Variants in HPCAL1 observed in about 807,000 individuals in gnomAD.
HPCAL1 encodes hippocalcin like 1, also known as hippocalcin-like protein 1.
In HPCAL1, 8 loss-of-function variants were observed where a neutral mutation model predicts 17.1. That is an observed-to-expected ratio of 0.47 (90% CI 0.27 to 0.84). The LOEUF (loss-of-function observed/expected upper bound fraction) is 0.84, where lower values mean the gene tolerates loss of function less well. Among genes scored for constraint, HPCAL1 ranks in the 40% least tolerant of loss-of-function variants. The pLI is 0.13. For synonymous variants in HPCAL1, 112 were observed against 111.4 expected (o/e 1.01, Z -0.03); for missense variants, 165 against 271.1 (o/e 0.61, Z 2.75).
intron 1 of HPCAL1, among the ~76,000 whole-genome samples, chr2:10,336,332 C>T (rs1485743818): frequency 6.6e-6 from 1 of 152,220 alleles, no homozygotes; most frequent in Non-Finnish European, 1.5e-5. Context: ...ACTCTAGAGA[C>T]TAATCCTTTG....
At chr2:10,345,953 G>A (rs1219732136) in intron 1 of HPCAL1, among the ~76,000 whole-genome samples, 1 of 152,176 alleles carries the variant, frequency 6.6e-6, no homozygotes, top group African/African-American at 2.4e-5. Flanking sequence ...CACACAGATG[G>A]TCTGTTGATC....
Position 10,426,865 on chromosome 2 carries a change from T to C in HPCAL1, c.*44T>C. 1.3e-6 allele frequency: 2 copies of C among 1,539,106 alleles called. No homozygotes were observed. ...GTTGCAGAGAAACACAGGCTTGTCG[T>C]GCCGTTTAAGCTTTGCTTGCAAGAG... On this transcript the variant is annotated 3_prime_UTR_variant, in exon 5 of 5. Coordinates refer to ENST00000307845, the MANE Select transcript of HPCAL1 (RefSeq NM_002149.4).
chr2:10,345,914 A>G (rs776409337), intron 1 of HPCAL1, among the ~76,000 whole-genome samples: 1 of 152,212 alleles, frequency 6.6e-6, no homozygotes, highest in Non-Finnish European at 1.5e-5. Context: ...CTTTTGCCGT[A>G]TTTTGGAAGA....
intron 1 of HPCAL1, among the ~76,000 whole-genome samples, chr2:10,361,762 G>C (rs1666541138): frequency 6.6e-6 from 1 of 151,346 alleles, no homozygotes; most frequent in African/African-American, 2.4e-5. Flanking sequence ...TGTCAACCAG[G>C]ATGGAGTGCA....
intron 2 of HPCAL1, among the ~76,000 whole-genome samples, chr2:10,399,555 ACTACCGCCACCG>A (rs1558518879): frequency 3.7e-5 from 2 of 54,532 alleles, no homozygotes; most frequent in African/African-American, 9.2e-5. Context: ...CACCGCCACC[ACTACCGCCACCG>A]CCACCACCAC....
intron 1 of HPCAL1, among the ~76,000 whole-genome samples, chr2:10,358,428 C>G (rs935619513): frequency 4.6e-5 from 7 of 152,216 alleles, no homozygotes; most frequent in Non-Finnish European, 7.3e-5. Context: ...CCCATGCCCA[C>G]AGCCCTAGGT....
chr2:10,357,994 C>G (rs1396015751), intron 1 of HPCAL1, among the ~76,000 whole-genome samples: 1 of 152,256 alleles, frequency 6.6e-6, no homozygotes, highest in Non-Finnish European at 1.5e-5. Flanking sequence ...GGCTGAAACC[C>G]CAGCCCTGTC....
rs79015754 is a variant in HPCAL1, at chr2:10,330,497, G to A, written c.-111+27320G>A. ...GGAATTCTTTTTTTTTTACAGTATT[G>A]GAGGCTGATGTCTGAGACAGGGTGG... On this transcript the variant is annotated intron_variant, in intron 1 of 4. Coordinates refer to ENST00000307845, the MANE Select transcript of HPCAL1 (RefSeq NM_002149.4). This position sits in a 1 kb window ranked among gnomAD's most constrained non-coding sequence, Gnocchi z 4.2. Among the ~76,000 whole-genome samples, 13,050 of 151,764 alleles carry A rather than the reference G, an allele frequency of 0.086. 621 individuals are homozygous for A. The highest frequency in any genetic ancestry group is 0.12 in the Admixed American group (1,840 of 15,256).
Position 10,361,071 on chromosome 2 carries a change from C to G in HPCAL1, c.-110-35764C>G, listed in dbSNP as rs139981652. On this transcript the variant is annotated intron_variant, in intron 1 of 4. Coordinates refer to ENST00000307845, the MANE Select transcript of HPCAL1 (RefSeq NM_002149.4). ...TCCTGAGCCTGTTGGCCTGGGGACT[C>G]CTTTTCTGTCATACTAGATGAGACA... is the stretch of plus-strand genomic sequence containing the variant. 8.2e-4 allele frequency among the ~76,000 whole-genome samples: 119 copies of G among 144,652 alleles called. 1 individual carries two copies. Among genetic ancestry groups the G allele is most frequent in the African/African-American group, 3.0e-3 (114 of 38,462 alleles). 94.9% of individuals were successfully genotyped at this position (144,652 alleles called of 152,430 possible).
chr2:10,370,341 A>G (rs992552919), intron 1 of HPCAL1, among the ~76,000 whole-genome samples: 4 of 152,160 alleles, frequency 2.6e-5, no homozygotes, highest in African/African-American at 9.7e-5. Flanking sequence ...CATGCTTGGG[A>G]CTTGGCAGTG....
At chr2:10,316,611 G>A (rs1412017866) in intron 1 of HPCAL1, among the ~76,000 whole-genome samples, 1 of 152,172 alleles carries the variant, frequency 6.6e-6, no homozygotes, top group Non-Finnish European at 1.5e-5. Context: ...TATTGAGTCA[G>A]CAGTGGAAAG....
Position 10,364,586 on chromosome 2 carries a change from C to CT in HPCAL1, c.-110-32234dup, listed in dbSNP as rs747134630. 7.6e-3 allele frequency among the ~76,000 whole-genome samples: 1,092 copies of CT among 143,746 alleles called. 12 individuals are homozygous for CT. Among genetic ancestry groups the CT allele is most frequent in the South Asian group, 0.034 (153 of 4,548 alleles). The allele number at this position is 143,746 out of a possible 152,430, so 94.3% of individuals were successfully genotyped here. A position where few individuals can be genotyped will look rare whatever the true frequency, so the allele number is the denominator to read the frequency against. Reference sequence around the variant, plus strand: ...GCCTCCTCTCCTAAGCTCCCGCCTCCTTTTTTTTTTTTTTTGGAGACAGTG... The same window carrying CT: ...GCCTCCTCTCCTAAGCTCCCGCCTCCTTTTTTTTTTTTTTTTGGAGACAGTG... On this transcript the variant is annotated intron_variant, in intron 1 of 4. Coordinates refer to ENST00000307845, the MANE Select transcript of HPCAL1 (RefSeq NM_002149.4).
chr2:10,423,242 C>T (rs938130855), intron 4 of HPCAL1, 154 bp downstream of exon 4: 26 of 649,990 alleles, frequency 4.0e-5, no homozygotes, highest in African/African-American at 2.9e-4. Context: ...CAGGGAAGAG[C>T]GGGATGCAGT....
chr2:10,423,232 C>A, intron 4 of HPCAL1, 144 bp downstream of exon 4: 2 of 665,768 alleles, frequency 3.0e-6, no homozygotes, highest in Non-Finnish European at 2.8e-6. Flanking sequence ...CTGCCATGCC[C>A]AGGGAAGAGC....
chr2:10,402,936 T>C (rs1378309186), intron 2 of HPCAL1, among the ~76,000 whole-genome samples: 1 of 152,166 alleles, frequency 6.6e-6, no homozygotes, highest in African/African-American at 2.4e-5. Context: ...ACATTTACAA[T>C]GGTATTTCTT....
rs1666927630 is a variant in HPCAL1, at chr2:10,367,589, C to T, written c.-110-29246C>T. 1.3e-5 allele frequency among the ~76,000 whole-genome samples: 2 copies of T among 152,278 alleles called. No homozygotes were observed. The highest frequency in any genetic ancestry group is 3.4e-3 in the Middle Eastern group (1 of 294). On this transcript the variant is annotated intron_variant, in intron 1 of 4. Coordinates refer to ENST00000307845, the MANE Select transcript of HPCAL1 (RefSeq NM_002149.4). This position sits in a 1 kb window ranked among gnomAD's most constrained non-coding sequence, Gnocchi z 4.4. ...TAAAGCAAAATCATAATAGCAACAA[C>T]AATCACTGTCATCCCACGGGTTGGT...
intron 1 of HPCAL1, among the ~76,000 whole-genome samples, chr2:10,349,979 A>G (rs925710649): frequency 1.1e-4 from 17 of 152,140 alleles, no homozygotes; most frequent in Non-Finnish European, 1.6e-4. Context: ...CCGATTTCAT[A>G]TACCACTGAT....
intron 2 of HPCAL1, among the ~76,000 whole-genome samples, chr2:10,418,496 G>A (rs71439010): frequency 7.0e-6 from 1 of 142,082 alleles, no homozygotes; most frequent in East Asian, 2.0e-4. Context: ...AGGCAGAGAA[G>A]AAAGGAAGTG....
In HPCAL1 at chr2:10,304,780, C is replaced by A. The variant is rs948825266; in HGVS notation, c.-111+1603C>A. ...CCCTTCATCGCCTTGGTGTCTTTCT[C>A]TGGGGGAAAAAAATCGCCTTTAACC... On this transcript the variant is annotated intron_variant, in intron 1 of 4. Transcript: ENST00000307845. This position sits in a 1 kb window ranked among gnomAD's most constrained non-coding sequence, Gnocchi z 4.1. Among the ~76,000 whole-genome samples the A allele has an allele frequency of 6.6e-6, 1 of 152,258 alleles. No individual in the cohort carries two copies. Among genetic ancestry groups the A allele is most frequent in the African/African-American group, 2.4e-5 (1 of 41,542 alleles).
Sources: allele counts gnomAD v4.1 joint callset (sites outside exome capture counted in the v4.1 genomes callset), GRCh38; gene constraint gnomAD v4.1.1; non-coding constraint Gnocchi (gnomAD v3.1); transcripts MANE v1.5; gene names NCBI Gene and HGNC (gene_info 2026-07-23, HGNC 2026-07-21).